The following HEMGN variants were observed in gnomAD, a reference collection of about 807,000 sequenced individuals.
HEMGN encodes erythroid differentiation-associated gene protein.
HEMGN carries 32 observed loss-of-function variants against 45.7 expected under a neutral mutation model. The ratio of observed to expected loss-of-function variants is 0.70; its 90% confidence interval spans 0.53 to 0.94. HEMGN has a LOEUF of 0.94. Ranked by LOEUF, HEMGN falls within the 40% of genes least tolerant of loss-of-function variation. The probability of loss-of-function intolerance (pLI) is 0.00; values close to 1 mark genes in which losing one functional copy is unlikely to be tolerated. For synonymous variants in HEMGN, 183 were observed against 178.6 expected (o/e 1.02, Z -0.20); for missense variants, 530 against 564.2 (o/e 0.94, Z 0.61).
upstream of HEMGN, among the ~76,000 whole-genome samples, chr9:97,942,730 G>A (rs1250151118): frequency 6.6e-6 from 1 of 152,190 alleles, no homozygotes; most frequent in Non-Finnish European, 1.5e-5. Context: ...GAAGGAGGGA[G>A]GAAACACATT....
chr9:97,944,065 A>G (rs1452175542), intron 1 of HEMGN, among the ~76,000 whole-genome samples: 1 of 152,098 alleles, frequency 6.6e-6, no homozygotes, highest in East Asian at 1.9e-4. Flanking sequence ...GTTTTCCAAG[A>G]GTCCCTGATC....
In HEMGN at chr9:97,931,054, A is replaced by G; in HGVS notation, c.341T>C (p.Ile114Thr). 2 of 1,614,124 alleles carry G rather than the reference A, an allele frequency of 1.2e-6. No homozygotes were observed. Among genetic ancestry groups the G allele is most frequent in the Non-Finnish European group, 1.7e-6 (2 of 1,180,020 alleles). The change falls in exon 3 of 4, where the codon ATA (isoleucine) becomes ACA (threonine). Residue 114 changes from isoleucine (I) to threonine (T), a missense_variant. Ile to Thr is a moderately conservative substitution (Grantham distance 89). Transcript: ENST00000616898. ...GGCTACTGAAGGAAATACTTTGGTT[A>G]TGCTCCCAGGTGGCTCAGTTTTTTT... ...IEKKTEPPGS[I>T]TKVFPSVASP...
intron 2 of HEMGN, among the ~76,000 whole-genome samples, chr9:97,934,710 G>A (rs558249467): frequency 1.6e-4 from 24 of 152,292 alleles, no homozygotes; most frequent in African/African-American, 5.1e-4. Flanking sequence ...CAGTGGTTAT[G>A]GAGGTGGGGC....
Position 97,930,348 on chromosome 9 carries a change from A to C in HEMGN, c.1047T>G (p.Ser349=). The C allele has an allele frequency of 6.2e-7, 1 of 1,613,680 alleles. No individual in the cohort carries two copies. The change falls in exon 3 of 4, where the codon TCT becomes TCG. Residue 349 remains serine (S), a synonymous_variant. Coordinates refer to ENST00000616898, the MANE Select transcript of HEMGN (RefSeq NM_197978.3). ...GGTTTATTTCAATTGAATAGTCTTC[A>C]GAATGAGGTGTTTCTTGGATTGTTT... ...SHKTIQETPH[S]EDYSIEINQE...
In HEMGN at chr9:97,938,055, T is replaced by G; in HGVS notation, c.79+3A>C. 3 of 1,596,092 alleles carry G rather than the reference T, an allele frequency of 1.9e-6. No individual in the cohort carries two copies. The highest frequency in any genetic ancestry group is 2.6e-6 in the Non-Finnish European group (3 of 1,165,678). On this transcript the variant is annotated splice_donor_region_variant and intron_variant, in intron 1 of 3. Transcript: ENST00000616898. ...CACCAGCTCTTAAGGTATTTTTCAT[T>G]ACCTGGAGAATGGTTCTCTTCTTGA...
rs1034995924 is a variant in HEMGN at position 97,927,248 on chromosome 9, C to T, written c.*136G>A. 1.8e-6 allele frequency: 1 copy of T among 553,934 alleles called. No individual in the cohort carries two copies. Among genetic ancestry groups the T allele is most frequent in the Admixed American group, 3.2e-5 (1 of 31,704 alleles). 34.3% of individuals were successfully genotyped at this position (553,934 alleles called of 1,614,324 possible). ...GGTAGAGCCTTAAAAAATGTTATTT[C>T]TTTCAGATATGGTCTACAAATAGAA... On this transcript the variant is annotated 3_prime_UTR_variant, in exon 4 of 4. Coordinates refer to ENST00000616898, the MANE Select transcript of HEMGN (RefSeq NM_197978.3).
At chr9:97,941,850 T>C (rs551267682), upstream of HEMGN, among the ~76,000 whole-genome samples, 69 of 152,322 alleles carry the variant, frequency 4.5e-4, no homozygotes, top group Non-Finnish European at 8.5e-4. Flanking sequence ...TAATCCACTG[T>C]GTCAAACTTT....
intron 2 of HEMGN, among the ~76,000 whole-genome samples, chr9:97,933,677 AG>A (rs1826999759): frequency 6.6e-6 from 1 of 152,208 alleles, no homozygotes; most frequent in Non-Finnish European, 1.5e-5. Flanking sequence ...GCTACCAAGT[AG>A]GGGAGCCAGG....
intron 1 of HEMGN, 148 bp downstream of exon 1, chr9:97,937,910 A>T (rs904881297): frequency 1.7e-6 from 1 of 588,830 alleles, no homozygotes; most frequent in East Asian, 2.9e-5. Context: ...TACCACAGCC[A>T]TCGAATGAAA....
chr9:97,933,142 C>T (rs2131554351), intron 2 of HEMGN, among the ~76,000 whole-genome samples: 1 of 152,276 alleles, frequency 6.6e-6, no homozygotes, highest in Middle Eastern at 3.4e-3. Flanking sequence ...CACTTAACCT[C>T]TACATGCCTT....
intron 2 of HEMGN, among the ~76,000 whole-genome samples, chr9:97,935,958 C>A (rs1827050854): frequency 6.6e-6 from 1 of 152,150 alleles, no homozygotes; most frequent in South Asian, 2.1e-4. Flanking sequence ...AATTCTGTTC[C>A]CACCATTTTA....
At chr9:97,931,280 G>T in intron 2 of HEMGN, 59 bp from the exon 3 acceptor site, 2 of 1,315,006 alleles carry the variant, frequency 1.5e-6, no homozygotes, top group Non-Finnish European at 2.1e-6. Context: ...ATAAATGCTT[G>T]TAATAACAGT....
At chr9:97,939,554 C>CAGA (rs1827121175), upstream of HEMGN, among the ~76,000 whole-genome samples, 1 of 152,116 alleles carries the variant, frequency 6.6e-6, no homozygotes, top group African/African-American at 2.4e-5. Context: ...AAACTGAGAA[C>CAGA]CGAGGAGGAG....
At chr9:97,939,194 T>C (rs932542794), upstream of HEMGN, among the ~76,000 whole-genome samples, 2 of 152,150 alleles carry the variant, frequency 1.3e-5, no homozygotes, top group African/African-American at 4.8e-5. Context: ...CTGAGGCAGG[T>C]TAGATAGCCT....
intron 1 of HEMGN, 61 bp downstream of exon 1, chr9:97,937,997 A>G: frequency 3.0e-6 from 3 of 1,003,974 alleles, no homozygotes; most frequent in South Asian, 1.5e-5. Flanking sequence ...TTGAAAAGAG[A>G]AAATTATCAT....
chr9:97,931,920 T>G (rs1168927856), intron 2 of HEMGN, among the ~76,000 whole-genome samples: 2 of 152,170 alleles, frequency 1.3e-5, no homozygotes, highest in Admixed American at 1.3e-4. Flanking sequence ...GCATGGTAAT[T>G]GCAGCCAGTG....
intron 3 of HEMGN, among the ~76,000 whole-genome samples, chr9:97,928,739 A>G (rs1826883006): frequency 6.6e-6 from 1 of 152,256 alleles, no homozygotes; most frequent in Non-Finnish European, 1.5e-5. Flanking sequence ...CATTGTTGTA[A>G]TAGTAAAACT....
intron 2 of HEMGN, among the ~76,000 whole-genome samples, chr9:97,933,586 G>C (rs958385430): frequency 6.6e-6 from 1 of 152,162 alleles, no homozygotes; most frequent in African/African-American, 2.4e-5. Context: ...AATGCAAAGA[G>C]ACTAGTATAT....
At chr9:97,929,198 G>A (rs1159468265) in intron 3 of HEMGN, among the ~76,000 whole-genome samples, 1 of 152,240 alleles carries the variant, frequency 6.6e-6, no homozygotes, top group Non-Finnish European at 1.5e-5. Flanking sequence ...ACTCCTGTCA[G>A]TGCACGTACT....
Sources: allele counts gnomAD v4.1 joint callset (sites outside exome capture counted in the v4.1 genomes callset), GRCh38; gene constraint gnomAD v4.1.1; transcripts MANE v1.5; gene names NCBI Gene and HGNC (gene_info 2026-07-23, HGNC 2026-07-21).